TAF4: variants seen among roughly 807,000 people sequenced by gnomAD.
The protein encoded by TAF4 is TATA-box binding protein associated factor 4.
In TAF4, 9 loss-of-function variants were observed where a neutral mutation model predicts 90.3. The observed-to-expected ratio is 0.10, with a 90% CI of 0.06 to 0.17. The LOEUF (loss-of-function observed/expected upper bound fraction) is 0.17, where lower values mean the gene tolerates loss of function less well. Among genes scored for constraint, TAF4 ranks in the 10% least tolerant of loss-of-function variants. The pLI is 1.00. For missense variants in TAF4, 1,351 were observed against 1,370.7 expected (o/e 0.99, Z 0.23); for synonymous variants, 818 against 638.9 (o/e 1.28, Z -4.23).
chr20:62,001,085 G>T (rs950919932), intron 9 of TAF4, among the ~76,000 whole-genome samples: 1 of 152,200 alleles, frequency 6.6e-6, no homozygotes, highest in African/African-American at 2.4e-5. Context: ...TCTTTTTAAA[G>T]GCTCAGAAGT....
chr20:62,039,060 A>T (rs1007448296), intron 1 of TAF4, among the ~76,000 whole-genome samples: 4 of 152,178 alleles, frequency 2.6e-5, no homozygotes, highest in African/African-American at 9.7e-5. Flanking sequence ...TCCGTCTCAA[A>T]ACAAACAAAA....
intron 1 of TAF4, among the ~76,000 whole-genome samples, chr20:62,022,869 C>CT: frequency 6.6e-6 from 1 of 152,158 alleles, no homozygotes; most frequent in African/African-American, 2.4e-5. Context: ...CAGCCCCCCC[C>CT]CCGCACATTG....
At chr20:62,003,907 G>C (rs201010902) in intron 7 of TAF4, 29 bp from the exon 8 acceptor site, 1,150 of 1,520,262 alleles carry the variant, frequency 7.6e-4, no homozygotes, top group Non-Finnish European at 9.3e-4. Flanking sequence ...AGAATGGTGA[G>C]CATGCTCCCC....
chr20:62,055,256 G>C (rs1412094562), intron 1 of TAF4, among the ~76,000 whole-genome samples: 1 of 150,084 alleles, frequency 6.7e-6, no homozygotes, highest in Non-Finnish European at 1.5e-5. Context: ...CACGCTGCCT[G>C]CGGGCAGTCC....
rs778429634 is a variant in TAF4, at chr20:62,065,769, G to A, written c.42C>T (p.Asn14=). 4.9e-5 allele frequency: 66 copies of A among 1,343,146 alleles called. No individual in the cohort carries two copies. The highest frequency in any genetic ancestry group is 6.0e-5 in the Non-Finnish European group (62 of 1,029,206). The allele number at this position is 1,343,146 out of a possible 1,614,324, so 83.2% of individuals were successfully genotyped here. ...GSDLLDEVFF[N]SEVDEKVVSD... is the part of the protein sequence containing the mutation. Reference sequence around the variant, plus strand: ...TCACCACTTTCTCGTCCACCTCGCTGTTGAAGAAGACCTCGTCCAGCAGAT... The same window carrying A: ...TCACCACTTTCTCGTCCACCTCGCTATTGAAGAAGACCTCGTCCAGCAGAT... Residue 14 remains asparagine, a synonymous_variant, in exon 1 of 15, where the codon AAC becomes AAT. Transcript: ENST00000252996.
At chr20:62,054,117 T>A (rs2056046938) in intron 1 of TAF4, among the ~76,000 whole-genome samples, 1 of 152,228 alleles carries the variant, frequency 6.6e-6, no homozygotes. Context: ...TTCTGTGGAT[T>A]TTCTCTTTGA....
intron 14 of TAF4, among the ~76,000 whole-genome samples, chr20:61,986,116 A>C (rs1378863762): frequency 8.0e-6 from 1 of 125,248 alleles, no homozygotes; most frequent in African/African-American, 3.1e-5. Context: ...TCCCCAACCA[A>C]AGGAAACACC....
At chr20:62,057,384 T>G (rs1016781651) in intron 1 of TAF4, among the ~76,000 whole-genome samples, 1 of 152,346 alleles carries the variant, frequency 6.6e-6, no homozygotes, top group Admixed American at 6.5e-5. Flanking sequence ...ACCTTCTTAC[T>G]GCAGGGCCCT....
At position 62,015,473 on chromosome 20, in the gene TAF4, G is replaced by A. The variant is rs562064724; in HGVS notation, c.1361-766C>T. ...TTAAATTTAACTTCCCATGACAGAGGTGGGGATGCAGCCGTGGGAGCAGGG... is the reference window on the plus strand; with the variant it reads ...TTAAATTTAACTTCCCATGACAGAGATGGGGATGCAGCCGTGGGAGCAGGG... On this transcript the variant is annotated intron_variant, in intron 1 of 14. Transcript: ENST00000252996. Among the ~76,000 whole-genome samples, 6 of 152,208 alleles carry A rather than the reference G, an allele frequency of 3.9e-5. No individual in the cohort carries two copies. In the East Asian group the frequency reaches 5.8e-4, roughly 15 times the overall value.
At chr20:61,991,858 G>A (rs1271710806) in intron 14 of TAF4, among the ~76,000 whole-genome samples, 3 of 152,090 alleles carry the variant, frequency 2.0e-5, no homozygotes, top group East Asian at 1.9e-4. Context: ...GGGATGAGCC[G>A]GCTTCCGAGA....
rs1168250166 is a variant in TAF4, at chr20:61,975,844, T to G, written c.*324A>C. The G allele has an allele frequency of 6.5e-6, 2 of 305,602 alleles. No individual in the cohort carries two copies. The highest frequency in any genetic ancestry group is 2.1e-5 in the African/African-American group (1 of 47,664). 18.9% of individuals were successfully genotyped at this position (305,602 alleles called of 1,614,324 possible). On this transcript the variant is annotated 3_prime_UTR_variant, in exon 15 of 15. Coordinates refer to ENST00000252996, the MANE Select transcript of TAF4 (RefSeq NM_003185.4). Reference sequence around the variant, plus strand: ...GAACTAAACCAAAATGCACAAATAATGCAGAAACTGCTATGAGTTGACAGA... The same window carrying G: ...GAACTAAACCAAAATGCACAAATAAGGCAGAAACTGCTATGAGTTGACAGA...
chr20:62,006,993 A>G lies in TAF4; in HGVS notation c.1975-235T>C, dbSNP rs28382079. On this transcript the variant is annotated intron_variant, in intron 6 of 14. Transcript: ENST00000252996. The surrounding 1 kb of genome is among the most constrained non-coding windows in gnomAD (Gnocchi z 7.0). ...AAATGTGTTCAAGAAAACAAACAAAAAGAGACATATTTTTAAAAAACTTTT... is the reference window on the plus strand; with the variant it reads ...AAATGTGTTCAAGAAAACAAACAAAGAGAGACATATTTTTAAAAAACTTTT... 0.011 allele frequency: 4,904 copies of G among 448,656 alleles called. 228 individuals carry two copies. The highest frequency in any genetic ancestry group is 0.091 in the African/African-American group (4,514 of 49,520). The allele number at this position is 448,656 out of a possible 1,614,324, so 27.8% of individuals were successfully genotyped here.
chr20:61,982,320 C>CAGA (rs2055552419), intron 14 of TAF4, among the ~76,000 whole-genome samples: 1 of 4,806 alleles, frequency 2.1e-4, no homozygotes, highest in Non-Finnish European at 4.3e-4. Context: ...ACACCCCATC[C>CAGA]GAGGAAACAC....
At chr20:62,044,224 T>A (rs2055980084) in intron 1 of TAF4, among the ~76,000 whole-genome samples, 1 of 152,246 alleles carries the variant, frequency 6.6e-6, no homozygotes, top group African/African-American at 2.4e-5. Flanking sequence ...GTACTACACA[T>A]AAAACTTCAA....
chr20:62,019,181 G>A (rs984342720), intron 1 of TAF4, among the ~76,000 whole-genome samples: 1 of 152,206 alleles, frequency 6.6e-6, no homozygotes, highest in Admixed American at 6.5e-5. Context: ...TTTAATAAGT[G>A]CAGAGAAGTA....
intron 1 of TAF4, among the ~76,000 whole-genome samples, chr20:62,047,720 C>A (rs1220850967): frequency 6.6e-6 from 1 of 152,224 alleles, no homozygotes; most frequent in African/African-American, 2.4e-5. Context: ...ACCGTCAAGC[C>A]CAGGTGATGC....
rs79211230 is a variant in TAF4, at chr20:61,981,625, G to A, written c.3091-5290C>T. The stretch of plus-strand genomic sequence containing the variant: ...GGCAGGAAGCCAAGAGGACAGAATC[G>A]AGACACAGAAAGGAGGAAAAGGGTC... On this transcript the variant is annotated intron_variant, in intron 14 of 14. Transcript: ENST00000252996. Among the ~76,000 whole-genome samples, 36 of 152,240 alleles carry A rather than the reference G, an allele frequency of 2.4e-4. No homozygotes were observed. In the East Asian group the frequency reaches 4.4e-3, roughly 19 times the overall value.
rs1321128588 is a variant in TAF4, at chr20:61,995,820, G to A, written c.3090+1730C>T. Among the ~76,000 whole-genome samples the A allele has an allele frequency of 8.8e-5, 9 of 102,772 alleles. 3 individuals carry two copies. In the South Asian group the frequency reaches 1.7e-3, roughly 19 times the overall value. The allele number at this position is 102,772 out of a possible 152,430, so 67.4% of individuals were successfully genotyped here. On this transcript the variant is annotated intron_variant, in intron 14 of 14. Coordinates refer to ENST00000252996, the MANE Select transcript of TAF4 (RefSeq NM_003185.4). ...GGAGCTTGCAGTGAGCCGAGATTGCGCCACTGCAGTCCGCAGTCCGGCCTG... is the reference window on the plus strand; with the variant it reads ...GGAGCTTGCAGTGAGCCGAGATTGCACCACTGCAGTCCGCAGTCCGGCCTG...
Position 62,014,591 on chromosome 20 carries a change from C to G in TAF4, c.1477G>C (p.Ala493Pro), listed in dbSNP as rs750878289. 2 of 1,613,752 alleles carry G rather than the reference C, an allele frequency of 1.2e-6. No homozygotes were observed. The highest frequency in any genetic ancestry group is 2.7e-5 in the African/African-American group (2 of 74,938). ...ACGGGAGGGGCACTTGTGGGGGTGGCAGGGCGAGGCGCCATGGTGGTCTGA... is the reference window on the plus strand; with the variant it reads ...ACGGGAGGGGCACTTGTGGGGGTGGGAGGGCGAGGCGCCATGGTGGTCTGA... ...QPQTTMAPRP[A>P]TPTSAPPVQI... The change falls in exon 2 of 15, where the codon GCC becomes CCC. Residue 493 changes from alanine to proline, a missense_variant. Transcript: ENST00000252996.
Sources: allele counts gnomAD v4.1 joint callset (sites outside exome capture counted in the v4.1 genomes callset), GRCh38; gene constraint gnomAD v4.1.1; non-coding constraint Gnocchi (gnomAD v3.1); transcripts MANE v1.5; gene names NCBI Gene and HGNC (gene_info 2026-07-23, HGNC 2026-07-21).